FSIP1: variants seen among roughly 807,000 people sequenced by gnomAD.
FSIP1 encodes the protein fibrous sheath-interacting protein 1.
Under a neutral mutation model 60.9 loss-of-function variants are expected in FSIP1, and 65 were observed. The observed-to-expected ratio is 1.07, with a 90% CI of 0.87 to 1.31. The LOEUF (loss-of-function observed/expected upper bound fraction) is 1.31, where lower values mean the gene tolerates loss of function less well. FSIP1 is among the 40% of genes most tolerant of loss of function. FSIP1 has a pLI of 0.00. For missense variants in FSIP1, 675 were observed against 665.5 expected (o/e 1.01, Z -0.16); for synonymous variants, 209 against 221.2 (o/e 0.94, Z 0.49).
intron 10 of FSIP1, among the ~76,000 whole-genome samples, chr15:39,693,094 GCTGA>G (rs1383001524): frequency 1.3e-5 from 2 of 152,238 alleles, no homozygotes; most frequent in African/African-American, 2.4e-5. Context: ...CCGCCAAAGT[GCTGA>G]CTAAGAAATT....
intron 8 of FSIP1, among the ~76,000 whole-genome samples, chr15:39,732,877 T>C (rs1183826716): frequency 6.6e-6 from 1 of 152,158 alleles, no homozygotes; most frequent in Non-Finnish European, 1.5e-5. Context: ...ATATAGTAAA[T>C]AGGTTCCTTC....
intron 10 of FSIP1, among the ~76,000 whole-genome samples, chr15:39,646,932 T>C (rs1892640350): frequency 6.6e-6 from 1 of 152,206 alleles, no homozygotes; most frequent in African/African-American, 2.4e-5. Flanking sequence ...CGAATGAACA[T>C]GGATGACATT....
chr15:39,766,867 T>A (rs1897708639), intron 3 of FSIP1, among the ~76,000 whole-genome samples: 1 of 152,160 alleles, frequency 6.6e-6, no homozygotes, highest in South Asian at 2.1e-4. Context: ...AGAGACAGGA[T>A]CTCATTCTGT....
chr15:39,712,425 G>C (rs964216911), intron 10 of FSIP1, among the ~76,000 whole-genome samples: 2 of 152,134 alleles, frequency 1.3e-5, no homozygotes, highest in Non-Finnish European at 2.9e-5. Context: ...AGTGGCTAAG[G>C]CATGAGGTGA....
At position 39,757,769 on chromosome 15, in the gene FSIP1, T is replaced by C. The variant is rs117946474; in HGVS notation, c.559+6052A>G. On this transcript the variant is annotated intron_variant, in intron 5 of 11. Transcript: ENST00000350221. ...AATACAATAATGTTACCTCTTCATT[T>C]TGGTGAACTGGTCAAGTGTGAACTA... is the stretch of plus-strand genomic sequence containing the variant. 5.9e-4 allele frequency among the ~76,000 whole-genome samples: 90 copies of C among 152,264 alleles called. 2 individuals carry two copies. In the East Asian group the frequency reaches 0.016, roughly 28 times the overall value.
intron 8 of FSIP1, among the ~76,000 whole-genome samples, chr15:39,734,767 G>A (rs572353104): frequency 1.1e-4 from 16 of 151,996 alleles, no homozygotes; most frequent in Admixed American, 5.9e-4. Context: ...AAAAGTATGC[G>A]GTCGTAATGA....
In FSIP1 at chr15:39,721,675, G is replaced by T. The variant is rs372330012; in HGVS notation, c.1050+4914C>A. Among the ~76,000 whole-genome samples, 54 of 152,302 alleles carry T rather than the reference G, an allele frequency of 3.5e-4. No homozygotes were observed. The South Asian group carries it at 0.011, about 32-fold the overall frequency. On this transcript the variant is annotated intron_variant, in intron 9 of 11. Coordinates refer to ENST00000350221, the MANE Select transcript of FSIP1 (RefSeq NM_152597.5). The stretch of plus-strand genomic sequence containing the variant: ...AACAAGTAACATAAATGCATGAAGT[G>T]GGCCTTAGGGCCTGCCATACAATAT...
intron 11 of FSIP1, among the ~76,000 whole-genome samples, chr15:39,609,942 G>A (rs1039316297): frequency 2.6e-5 from 4 of 152,218 alleles, no homozygotes; most frequent in African/African-American, 9.6e-5. Context: ...GTTGTTACCA[G>A]CTGGCCTATC....
At chr15:39,625,780 A>C (rs1020030701) in intron 10 of FSIP1, among the ~76,000 whole-genome samples, 2 of 152,218 alleles carry the variant, frequency 1.3e-5, no homozygotes, top group Admixed American at 1.3e-4. Flanking sequence ...ATTTGCATAA[A>C]GAGCCTAAAA....
intron 3 of FSIP1, among the ~76,000 whole-genome samples, chr15:39,766,582 T>TC (rs900171408): frequency 1.3e-5 from 2 of 152,202 alleles, no homozygotes; most frequent in Non-Finnish European, 2.9e-5. Flanking sequence ...TAAATGCCAG[T>TC]CAGGTTCCAC....
intron 11 of FSIP1, among the ~76,000 whole-genome samples, chr15:39,606,037 A>G (rs1890812047): frequency 6.6e-6 from 1 of 152,144 alleles, no homozygotes; most frequent in Non-Finnish European, 1.5e-5. Context: ...GTGGTAGGCC[A>G]CCCTCCCTCT....
chr15:39,654,662 C>T (rs1262972301), intron 10 of FSIP1, among the ~76,000 whole-genome samples: 7 of 152,164 alleles, frequency 4.6e-5, no homozygotes, highest in African/African-American at 9.7e-5. Context: ...AGATATAACA[C>T]GTATATTCGT....
intron 10 of FSIP1, among the ~76,000 whole-genome samples, chr15:39,659,405 G>C (rs1226799045): frequency 6.6e-6 from 1 of 151,978 alleles, no homozygotes; most frequent in Non-Finnish European, 1.5e-5. Context: ...AGCCAGGCGT[G>C]GTGGCGGGCG....
intron 2 of FSIP1, among the ~76,000 whole-genome samples, 198 bp downstream of exon 2, chr15:39,776,201 G>GGAGA: frequency 3.3e-5 from 4 of 120,974 alleles, no homozygotes; most frequent in Non-Finnish European, 7.3e-5. Context: ...GGAGAGAGAG[G>GGAGA]GAGGGAGGGA....
chr15:39,697,272 C>A (rs1894858808), intron 10 of FSIP1, among the ~76,000 whole-genome samples: 3 of 152,048 alleles, frequency 2.0e-5, no homozygotes, highest in African/African-American at 7.2e-5. Context: ...AACAAAAAAA[C>A]CTAAAACTTG....
At chr15:39,635,137 C>A (rs957671013) in intron 10 of FSIP1, among the ~76,000 whole-genome samples, 10 of 152,130 alleles carry the variant, frequency 6.6e-5, no homozygotes, top group African/African-American at 2.4e-4. Flanking sequence ...AGATTGAAAC[C>A]ATCCTGGCCA....
intron 2 of FSIP1, among the ~76,000 whole-genome samples, chr15:39,776,153 G>C (rs1273264606): frequency 7.4e-6 from 1 of 134,288 alleles, no homozygotes; most frequent in Non-Finnish European, 1.6e-5. Context: ...GAGGAGCAGA[G>C]GGAGGGGAGG....
At chr15:39,751,204 A>G (rs1183473846) in intron 5 of FSIP1, among the ~76,000 whole-genome samples, 1 of 151,918 alleles carries the variant, frequency 6.6e-6, no homozygotes, top group Non-Finnish European at 1.5e-5. Flanking sequence ...ATGGAAACCA[A>G]TATGAAGGTT....
At chr15:39,758,323 T>C (rs1324974496) in intron 5 of FSIP1, among the ~76,000 whole-genome samples, 2 of 152,134 alleles carry the variant, frequency 1.3e-5, no homozygotes, top group African/African-American at 2.4e-5. Flanking sequence ...AAGGCCACCA[T>C]AGATCCACTT....
Sources: allele counts gnomAD v4.1 joint callset (sites outside exome capture counted in the v4.1 genomes callset), GRCh38; gene constraint gnomAD v4.1.1; transcripts MANE v1.5; gene names NCBI Gene and HGNC (gene_info 2026-07-23, HGNC 2026-07-21).